Variants in DNAH3 observed in about 807,000 individuals in gnomAD.
DNAH3 encodes the protein axonemal beta dynein heavy chain 3.
In DNAH3, 332 loss-of-function variants were observed where a neutral mutation model predicts 432.5. The observed-to-expected ratio is 0.77, with a 90% confidence interval of 0.70 to 0.84. DNAH3 has a LOEUF of 0.84. Ranked by LOEUF, DNAH3 falls within the 40% of genes least tolerant of loss-of-function variation. The pLI, the probability that DNAH3 is intolerant of heterozygous loss-of-function variation, is 0.00. For synonymous variants in DNAH3, 1,956 were observed against 1,900.2 expected, an observed-to-expected ratio of 1.03 and a Z score of -0.76; for missense variants, 4,861 against 5,114.0, an observed-to-expected ratio of 0.95 and a Z score of 1.51.
chr16:21,146,767 C>CT (rs201298507), intron 1 of DNAH3, among the ~76,000 whole-genome samples: 64,319 of 146,302 alleles, frequency 0.44, 14,199 homozygotes, highest in East Asian at 0.68. Context: ...TTCTTTCTTT[C>CT]TTTTTTTTTT....
chr16:20,963,351 G>A (rs770019159), exon 53 of DNAH3: 1 of 1,614,116 alleles, frequency 6.2e-7, no homozygotes, highest in Non-Finnish European at 8.5e-7. Flanking sequence ...AATCATTGTA[G>A]GATCCCTGGA....
At chr16:21,103,409 T>C (rs1182329218) in intron 16 of DNAH3, among the ~76,000 whole-genome samples, 4 of 152,010 alleles carry the variant, frequency 2.6e-5, no homozygotes, top group Non-Finnish European at 5.9e-5. Context: ...TTGTACTTTC[T>C]GCTCAATTTT....
At chr16:21,103,101 T>C (rs993113794) in intron 16 of DNAH3, among the ~76,000 whole-genome samples, 4 of 151,910 alleles carry the variant, frequency 2.6e-5, no homozygotes, top group Non-Finnish European at 5.9e-5. Flanking sequence ...CACTCATAAG[T>C]GGGAGCTAAG....
In DNAH3 at chr16:20,988,134, GATGCACACGAGGTGGC is replaced by G. The variant is rs2086300622; in HGVS notation, c.6602-85_6602-70del. ...ATTCTCACACTGTCTGTGACCCTAGGATGCACACGAGGTGGCTTTGCCTTCTGCCTTCATGTTCCAG... is the reference window on the plus strand; with the variant it reads ...ATTCTCACACTGTCTGTGACCCTAGGTTTGCCTTCTGCCTTCATGTTCCAG... On this transcript the variant is annotated intron_variant, in intron 44 of 61. Coordinates refer to ENST00000261383, the Ensembl canonical transcript of DNAH3. 2.5e-6 allele frequency: 4 copies of G among 1,589,380 alleles called. No individual in the cohort carries two copies. In the Admixed American group the frequency reaches 6.8e-5, roughly 27 times the overall value.
intron 32 of DNAH3, among the ~76,000 whole-genome samples, chr16:21,040,195 G>C (rs2089369797): frequency 6.6e-6 from 1 of 151,880 alleles, no homozygotes. Context: ...CAATGGTTCT[G>C]TGGAAGGCCC....
chr16:20,964,544 TC>T lies in DNAH3; in HGVS notation c.9339del (p.Met3114CysfsTer8). Reference sequence around the variant, plus strand: ...CCTAACTGCAGCGCGTTTTCCAGCATCCTCATGTAGTTGCTATCAGAGAACT... The same window carrying T: ...CCTAACTGCAGCGCGTTTTCCAGCATCTCATGTAGTTGCTATCAGAGAACT... On this transcript the variant is annotated frameshift_variant, in exon 53 of 62. Transcript: ENST00000261383. LOFTEE classifies it high-confidence loss of function. 6.2e-7 allele frequency: 1 copy of T among 1,614,184 alleles called. No homozygotes were observed. The highest frequency in any genetic ancestry group is 8.5e-7 in the Non-Finnish European group (1 of 1,180,034).
chr16:21,136,659 G>A (rs1309883841), intron 5 of DNAH3, 146 bp from the exon 7 acceptor site: 4 of 728,644 alleles, frequency 5.5e-6, no homozygotes, highest in Non-Finnish European at 9.3e-6. Context: ...TGGGCCTGTC[G>A]CTTCACACTC....
intron 1 of DNAH3, among the ~76,000 whole-genome samples, chr16:21,154,404 CAA>C (rs34973143): frequency 1.4e-5 from 2 of 146,352 alleles, no homozygotes; most frequent in Admixed American, 6.8e-5. Flanking sequence ...GACTCTGTCT[CAA>C]AAAAAAAAAA....
At chr16:21,114,598 C>T (rs1483082198) in intron 12 of DNAH3, among the ~76,000 whole-genome samples, 5 of 152,322 alleles carry the variant, frequency 3.3e-5, no homozygotes, top group African/African-American at 4.8e-5. Flanking sequence ...TGAACAGACA[C>T]TTCTCAAAAG....
At chr16:20,940,907 A>G (rs1291444837) in intron 59 of DNAH3, among the ~76,000 whole-genome samples, 1 of 152,106 alleles carries the variant, frequency 6.6e-6, no homozygotes, top group Non-Finnish European at 1.5e-5. Context: ...CAGCCTGGCC[A>G]ACATGTCAAA....
At chr16:21,023,983 T>C (rs2088400853) in intron 39 of DNAH3, among the ~76,000 whole-genome samples, 1 of 152,068 alleles carries the variant, frequency 6.6e-6, no homozygotes, top group Admixed American at 6.6e-5. Context: ...TTCCTAAGCA[T>C]TCTATTAACA....
chr16:21,061,762 A>AT (rs1398356014), intron 25 of DNAH3, among the ~76,000 whole-genome samples: 1 of 152,198 alleles, frequency 6.6e-6, no homozygotes, highest in Non-Finnish European at 1.5e-5. Context: ...TTGGTATGGG[A>AT]TGCAACCTGG....
intron 59 of DNAH3, among the ~76,000 whole-genome samples, chr16:20,939,679 C>T (rs1346091441): frequency 1.3e-5 from 2 of 151,882 alleles, no homozygotes; most frequent in African/African-American, 2.4e-5. Context: ...AACACTCCTC[C>T]AGTCCCCTGG....
intron 29 of DNAH3, among the ~76,000 whole-genome samples, chr16:21,050,641 T>C (rs1482575945): frequency 2.0e-5 from 3 of 152,200 alleles, no homozygotes; most frequent in African/African-American, 4.8e-5. Context: ...GATTTTGCCA[T>C]GTTGCCCAAG....
intron 18 of DNAH3, among the ~76,000 whole-genome samples, chr16:21,093,846 C>T (rs1345532759): frequency 6.6e-6 from 1 of 151,988 alleles, no homozygotes; most frequent in Non-Finnish European, 1.5e-5. Flanking sequence ...ATTACTGGAA[C>T]CATTGGACAT....
chr16:21,050,074 C>T (rs1029456816), intron 29 of DNAH3, 56 bp from the exon 30 acceptor site: 12 of 1,278,002 alleles, frequency 9.4e-6, no homozygotes, highest in Non-Finnish European at 1.3e-5. Flanking sequence ...AGGAAAGAAA[C>T]CGGCTTTTCA....
intron 59 of DNAH3, among the ~76,000 whole-genome samples, chr16:20,939,151 G>A (rs2152566416): frequency 6.6e-6 from 1 of 152,098 alleles, no homozygotes; most frequent in African/African-American, 2.4e-5. Flanking sequence ...GGCCTTAGAG[G>A]AGAATGACAG....
At chr16:21,024,143 G>A (rs1199546076) in intron 39 of DNAH3, among the ~76,000 whole-genome samples, 3 of 152,144 alleles carry the variant, frequency 2.0e-5, no homozygotes, top group Non-Finnish European at 4.4e-5. Flanking sequence ...TGCAGTGAAA[G>A]CACTTCTAAC....
At chr16:21,132,207 G>A (rs1367258646) in intron 7 of DNAH3, among the ~76,000 whole-genome samples, 1 of 152,080 alleles carries the variant, frequency 6.6e-6, no homozygotes, top group Admixed American at 6.6e-5. Flanking sequence ...CTAAGGATTT[G>A]AAAAACAAGT....
Sources: gnomAD v4.1 joint callset for allele counts (sites outside exome capture counted in the v4.1 genomes callset) on GRCh38, gnomAD v4.1.1 for gene constraint, MANE v1.5 for transcripts, NCBI Gene and HGNC (gene_info 2026-07-23, HGNC 2026-07-21) for gene names.